KDM4C: variants seen among roughly 807,000 people sequenced by gnomAD.
The protein encoded by KDM4C is lysine demethylase 4C, also known as lysine-specific demethylase 4C.
KDM4C carries 81 observed loss-of-function variants against 129.3 expected under a neutral mutation model. The observed-to-expected ratio is 0.63, with a 90% CI of 0.52 to 0.75. KDM4C has a LOEUF of 0.75. Ranked by LOEUF, KDM4C falls within the 30% of genes least tolerant of loss-of-function variation. The pLI is 0.00. For synonymous variants in KDM4C, 573 were observed against 456.1 expected (o/e 1.26, Z -3.26); for missense variants, 1,457 against 1,304.0 (o/e 1.12, Z -1.81).
intron 12 of KDM4C, among the ~76,000 whole-genome samples, chr9:6,994,413 C>T (rs926442621): frequency 3.9e-5 from 6 of 152,180 alleles, no homozygotes; most frequent in African/African-American, 1.4e-4. Flanking sequence ...TCACCACTCA[C>T]CTCTCCTCTT....
intron 15 of KDM4C, among the ~76,000 whole-genome samples, chr9:7,031,642 T>A (rs914007261): frequency 6.6e-5 from 10 of 152,268 alleles, no homozygotes; most frequent in African/African-American, 2.2e-4. Flanking sequence ...CATATATATG[T>A]ATATATAAAC....
intron 18 of KDM4C, among the ~76,000 whole-genome samples, chr9:7,127,467 T>C (rs1840142205): frequency 6.6e-6 from 1 of 152,134 alleles, no homozygotes; most frequent in Non-Finnish European, 1.5e-5. Context: ...ATGAGGAAAC[T>C]TAAGACACAT....
intron 11 of KDM4C, among the ~76,000 whole-genome samples, chr9:6,987,135 G>A (rs1817863717): frequency 6.6e-6 from 1 of 152,104 alleles, no homozygotes. Context: ...ATCACTTTCT[G>A]CCAATAGTTA....
Position 7,158,319 on chromosome 9 carries a change from A to AT in KDM4C, c.2782-6906dup, listed in dbSNP as rs150307536. 3.4e-4 allele frequency among the ~76,000 whole-genome samples: 51 copies of AT among 148,080 alleles called. 1 individual carries two copies. Among genetic ancestry groups the AT allele is most frequent in the South Asian group, 1.5e-3 (7 of 4,652 alleles). On this transcript the variant is annotated intron_variant, in intron 19 of 21. Transcript: ENST00000381309. ...AAAAAACCAGCTCCTGGATTCATTG[A>AT]TTTTTTTTTTTTTAAGGGTTTTTTG...
chr9:7,052,231 T>C (rs1564048133), intron 17 of KDM4C, among the ~76,000 whole-genome samples: 1 of 152,226 alleles, frequency 6.6e-6, no homozygotes, highest in Non-Finnish European at 1.5e-5. Context: ...AGCTACTATA[T>C]ACTTATTAAT....
intron 7 of KDM4C, among the ~76,000 whole-genome samples, chr9:6,889,250 T>TGTGTGTGTGTGTGTGTG (rs1554627898): frequency 2.1e-4 from 6 of 28,254 alleles, no homozygotes; most frequent in Admixed American, 5.5e-4. Flanking sequence ...TGTGTGTGTG[T>TGTGTGTGTGTGTGTGTG]GGGAGGGTGG....
intron 5 of KDM4C, among the ~76,000 whole-genome samples, chr9:6,867,528 A>G (rs1225261996): frequency 6.6e-6 from 1 of 152,250 alleles, no homozygotes; most frequent in East Asian, 1.9e-4. Context: ...ATGGGCAGAC[A>G]GCTTTATATG....
intron 5 of KDM4C, among the ~76,000 whole-genome samples, chr9:6,867,860 T>A (rs576337767): frequency 6.6e-6 from 1 of 152,298 alleles, no homozygotes; most frequent in East Asian, 1.9e-4. Flanking sequence ...TTTATTGCAG[T>A]AGCAGAACGC....
At chr9:6,777,258 C>T (rs1253042424) in intron 1 of KDM4C, among the ~76,000 whole-genome samples, 1 of 152,154 alleles carries the variant, frequency 6.6e-6, no homozygotes, top group Admixed American at 6.5e-5. Flanking sequence ...CTTAAGCACC[C>T]AAAGCTCTCT....
intron 5 of KDM4C, among the ~76,000 whole-genome samples, chr9:6,876,557 T>C (rs1282625495): frequency 2.0e-5 from 3 of 152,330 alleles, no homozygotes; most frequent in East Asian, 3.9e-4. Flanking sequence ...CTTGCTGTTT[T>C]GTTGTCTTTT....
At chr9:7,033,242 A>G (rs541822405) in intron 15 of KDM4C, among the ~76,000 whole-genome samples, 1 of 152,126 alleles carries the variant, frequency 6.6e-6, no homozygotes, top group South Asian at 2.1e-4. Context: ...ACAAAGTAAA[A>G]CTAGTGGAAA....
intron 14 of KDM4C, 77 bp downstream of exon 14, chr9:7,014,078 C>T (rs566944112): frequency 1.8e-6 from 2 of 1,135,418 alleles, no homozygotes; most frequent in Non-Finnish European, 1.3e-6. Context: ...TTTTTGGAAC[C>T]TGTCAGATCT....
intron 8 of KDM4C, among the ~76,000 whole-genome samples, chr9:6,959,544 A>G (rs1032889304): frequency 6.6e-6 from 1 of 152,214 alleles, no homozygotes; most frequent in South Asian, 2.1e-4. Context: ...CAACTGCAAG[A>G]GCCAGCTGGT....
chr9:6,963,469 G>T (rs4537355), intron 8 of KDM4C, among the ~76,000 whole-genome samples: 45,574 of 152,040 alleles, frequency 0.3, 6,992 homozygotes, highest in South Asian at 0.39. Flanking sequence ...GTATCGTGCC[G>T]CATATTCATG....
intron 17 of KDM4C, among the ~76,000 whole-genome samples, chr9:7,081,212 C>T (rs1321311120): frequency 3.3e-5 from 5 of 152,110 alleles, no homozygotes; most frequent in African/African-American, 9.7e-5. Context: ...CCATCTTCTT[C>T]CCTGAATCTC....
In KDM4C at chr9:6,996,234, C is replaced by G. The variant is rs111473852; in HGVS notation, c.1786+5710C>G. ...CTCACTAGCATTCTTATCAGCAGCA[C>G]TTTAATCGTGCTGACGCCAACTCCA... On this transcript the variant is annotated intron_variant, in intron 12 of 21. Coordinates refer to ENST00000381309, the MANE Select transcript of KDM4C (RefSeq NM_015061.6). Among the ~76,000 whole-genome samples, 559 of 152,316 alleles carry G rather than the reference C, an allele frequency of 3.7e-3. 6 individuals are homozygous for G. Among genetic ancestry groups the G allele is most frequent in the African/African-American group, 0.012 (495 of 41,570 alleles).
chr9:6,779,220 G>T (rs1823784723), intron 1 of KDM4C, among the ~76,000 whole-genome samples: 1 of 150,994 alleles, frequency 6.6e-6, no homozygotes, highest in Admixed American at 6.6e-5. Context: ...AGTAGAGATG[G>T]GGTTTCACCG....
intron 1 of KDM4C, among the ~76,000 whole-genome samples, chr9:6,768,378 G>A (rs538908844): frequency 6.6e-6 from 1 of 151,892 alleles, no homozygotes; most frequent in Non-Finnish European, 1.5e-5. Flanking sequence ...CCCTTTTAGG[G>A]AATTTTAGAG....
chr9:6,811,092 C>G (rs1831060998), intron 3 of KDM4C, among the ~76,000 whole-genome samples: 1 of 152,156 alleles, frequency 6.6e-6, no homozygotes, highest in Non-Finnish European at 1.5e-5. Flanking sequence ...CCAGGATCAC[C>G]TGGTTGTGGA....
Sources: allele counts gnomAD v4.1 joint callset (sites outside exome capture counted in the v4.1 genomes callset), GRCh38; gene constraint gnomAD v4.1.1; transcripts MANE v1.5; gene names NCBI Gene and HGNC (gene_info 2026-07-23, HGNC 2026-07-21).